HS3ST2: variants seen among roughly 807,000 people sequenced by gnomAD.
The protein encoded by HS3ST2 is heparan sulfate-glucosamine 3-sulfotransferase 2.
Under a neutral mutation model 26.3 loss-of-function variants are expected in HS3ST2, and 17 were observed. The ratio of observed to expected loss-of-function variants is 0.65; its 90% CI spans 0.44 to 0.97. HS3ST2 has a LOEUF of 0.97. Among genes scored for constraint, HS3ST2 ranks in the 50% least tolerant of loss-of-function variants. The probability of loss-of-function intolerance (pLI) is 0.00; values close to 1 mark genes in which losing one functional copy is unlikely to be tolerated. For synonymous variants in HS3ST2, 237 were observed against 219.2 expected, an observed-to-expected ratio of 1.08 and a Z score of -0.72; for missense variants, 402 against 501.2, an observed-to-expected ratio of 0.80 and a Z score of 1.89.
At chr16:22,815,236 A>G in intron 1 of HS3ST2, 141 bp downstream of exon 1, 1 of 1,143,428 alleles carries the variant, frequency 8.7e-7, no homozygotes, top group Admixed American at 3.0e-5. Context: ...ATGGGGGGCT[A>G]TAGCAGAATT....
At chr16:22,891,422 C>T (rs1417219096) in intron 1 of HS3ST2, among the ~76,000 whole-genome samples, 2 of 151,698 alleles carry the variant, frequency 1.3e-5, no homozygotes, top group Non-Finnish European at 2.9e-5. Context: ...TGAGGCTGCA[C>T]AGTAGTAAGT....
In HS3ST2 at chr16:22,814,865, T is replaced by C; in HGVS notation, c.255T>C (p.Ala85=). 6.4e-7 allele frequency: 1 copy of C among 1,559,524 alleles called. No homozygotes were observed. Among genetic ancestry groups the C allele is most frequent in the South Asian group, 1.2e-5 (1 of 85,278 alleles). ...GGCCGACGCCCAGCGAGCCCAGCGC[T>C]CCCAGCGCGCCCGCCGCCGCCGTGC... is the stretch of plus-strand genomic sequence containing the variant. ...PSGPTPSEPS[A]PSAPAAAVPA... is the part of the protein sequence containing the mutation. The change falls in exon 1 of 2, where the codon GCT becomes GCC. Residue 85 remains alanine, a synonymous_variant. Transcript: ENST00000261374.
chr16:22,820,392 A>G (rs190539964), intron 1 of HS3ST2, among the ~76,000 whole-genome samples: 20 of 152,344 alleles, frequency 1.3e-4, no homozygotes, highest in Admixed American at 1.1e-3. Context: ...GCCTTAGTCT[A>G]TTAATCCATT....
At chr16:22,859,532 TA>T (rs542198420) in intron 1 of HS3ST2, among the ~76,000 whole-genome samples, 22 of 152,328 alleles carry the variant, frequency 1.4e-4, no homozygotes, top group South Asian at 8.3e-4. Flanking sequence ...TTACATCTTT[TA>T]TGAGTCTTGT....
chr16:22,859,245 C>G (rs983519052), intron 1 of HS3ST2, among the ~76,000 whole-genome samples: 1 of 152,186 alleles, frequency 6.6e-6, no homozygotes, highest in African/African-American at 2.4e-5. Flanking sequence ...GTTACCCATG[C>G]TCTAAGAAGA....
intron 1 of HS3ST2, among the ~76,000 whole-genome samples, chr16:22,821,653 C>T (rs563471548): frequency 5.9e-5 from 9 of 152,046 alleles, no homozygotes; most frequent in Non-Finnish European, 8.8e-5. Context: ...TTAATCCATT[C>T]GTTTGTCAAA....
At position 22,876,278 on chromosome 16, in the gene HS3ST2, G is replaced by C. The variant is rs146787660; in HGVS notation, c.486-38666G>C. On this transcript the variant is annotated intron_variant, in intron 1 of 1. Coordinates refer to ENST00000261374, the MANE Select transcript of HS3ST2 (RefSeq NM_006043.2). ...ATAAAACAAATAATCTCATCAAAAAGTGGGCTAAGGACATGCACAGACAAT... is the reference window on the plus strand; with the variant it reads ...ATAAAACAAATAATCTCATCAAAAACTGGGCTAAGGACATGCACAGACAAT... Among the ~76,000 whole-genome samples the C allele has an allele frequency of 3.7e-3, 558 of 152,014 alleles. 7 individuals are homozygous for C. The highest frequency in any genetic ancestry group is 0.023 in the East Asian group (117 of 5,164).
At chr16:22,863,050 G>A (rs1901701468) in intron 1 of HS3ST2, among the ~76,000 whole-genome samples, 1 of 152,232 alleles carries the variant, frequency 6.6e-6, no homozygotes, top group Non-Finnish European at 1.5e-5. Context: ...AGTCTTCCCA[G>A]TTGTCCTGGG....
chr16:22,866,637 C>A (rs1180478953), intron 1 of HS3ST2, among the ~76,000 whole-genome samples: 1 of 151,780 alleles, frequency 6.6e-6, no homozygotes, highest in East Asian at 1.9e-4. Context: ...CCCGTCTCTA[C>A]AAAATGCAGA....
chr16:22,816,925 C>G (rs576104446), intron 1 of HS3ST2, among the ~76,000 whole-genome samples: 2 of 152,242 alleles, frequency 1.3e-5, no homozygotes, highest in Admixed American at 6.5e-5. Context: ...CAATAAATAC[C>G]TATGCCCTGA....
chr16:22,883,718 T>TA (rs113920095), intron 1 of HS3ST2, among the ~76,000 whole-genome samples: 3,015 of 152,258 alleles, frequency 0.02, 96 homozygotes, highest in African/African-American at 0.069. Flanking sequence ...TAAACTAAGT[T>TA]AAAAAAATAG....
intron 1 of HS3ST2, among the ~76,000 whole-genome samples, chr16:22,905,038 C>T (rs576491476): frequency 1.3e-5 from 2 of 152,330 alleles, no homozygotes; most frequent in Admixed American, 1.3e-4. Context: ...CCCTCCTCTT[C>T]CGCTCTTAAT....
At chr16:22,856,959 C>T (rs1168083063) in intron 1 of HS3ST2, among the ~76,000 whole-genome samples, 1 of 152,130 alleles carries the variant, frequency 6.6e-6, no homozygotes, top group African/African-American at 2.4e-5. Context: ...ACAGATGCTA[C>T]GTAATCTCAA....
At chr16:22,853,778 A>G (rs1901551442) in intron 1 of HS3ST2, among the ~76,000 whole-genome samples, 1 of 152,132 alleles carries the variant, frequency 6.6e-6, no homozygotes, top group African/African-American at 2.4e-5. Context: ...GACTGCCATG[A>G]TCACAAAAAT....
At chr16:22,827,967 T>C (rs1350976849) in intron 1 of HS3ST2, among the ~76,000 whole-genome samples, 1 of 151,938 alleles carries the variant, frequency 6.6e-6, no homozygotes, top group Non-Finnish European at 1.5e-5. Context: ...TTGGCTTCCC[T>C]AAGTGCTAGG....
At chr16:22,826,548 C>T (rs1901089373) in intron 1 of HS3ST2, among the ~76,000 whole-genome samples, 1 of 152,144 alleles carries the variant, frequency 6.6e-6, no homozygotes, top group African/African-American at 2.4e-5. Context: ...ACTCTTTCCC[C>T]ACTAGCCTGA....
At chr16:22,895,901 C>T (rs1463158482) in intron 1 of HS3ST2, among the ~76,000 whole-genome samples, 3 of 151,780 alleles carry the variant, frequency 2.0e-5, no homozygotes, top group Non-Finnish European at 4.4e-5. Flanking sequence ...TCTCTGTCCT[C>T]TCTCCTTTTC....
Position 22,881,788 on chromosome 16 carries a change from T to C in HS3ST2, c.486-33156T>C, listed in dbSNP as rs527678231. On this transcript the variant is annotated intron_variant, in intron 1 of 1. Coordinates refer to ENST00000261374, the MANE Select transcript of HS3ST2 (RefSeq NM_006043.2). ...ACAAGGACAAGAACTGTGGGTCCTTTGCTCACTTCTCTTCTCCCAGCATTT... is the reference window on the plus strand; with the variant it reads ...ACAAGGACAAGAACTGTGGGTCCTTCGCTCACTTCTCTTCTCCCAGCATTT... Among the ~76,000 whole-genome samples, 6 of 152,338 alleles carry C rather than the reference T, an allele frequency of 3.9e-5. No individual in the cohort carries two copies. The East Asian group carries it at 9.7e-4, about 25-fold the overall frequency.
intron 1 of HS3ST2, among the ~76,000 whole-genome samples, chr16:22,818,119 A>G (rs1900901132): frequency 6.6e-6 from 1 of 152,178 alleles, no homozygotes; most frequent in African/African-American, 2.4e-5. Flanking sequence ...TGCTTACCTC[A>G]ACTATGTGTC....
Sources: gnomAD v4.1 joint callset for allele counts (sites outside exome capture counted in the v4.1 genomes callset) on GRCh38, gnomAD v4.1.1 for gene constraint, MANE v1.5 for transcripts, NCBI Gene and HGNC (gene_info 2026-07-23, HGNC 2026-07-21) for gene names.